EIF4E3: variants seen among roughly 807,000 people sequenced by gnomAD.
EIF4E3 encodes the protein eukaryotic translation initiation factor 4E type 3.
EIF4E3 carries 26 observed loss-of-function variants against 31.7 expected under a neutral mutation model. The ratio of observed to expected loss-of-function variants is 0.82; its 90% CI spans 0.60 to 1.14. The LOEUF (loss-of-function observed/expected upper bound fraction) is 1.14. Among genes scored for constraint, EIF4E3 ranks in the 50% most tolerant of loss-of-function variants. EIF4E3 has a pLI of 0.00. For missense variants in EIF4E3, 304 were observed against 270.9 expected (o/e 1.12, Z -0.86); for synonymous variants, 128 against 107.7 (o/e 1.19, Z -1.17).
chr3:71,675,140 C>T (rs2048866264), downstream of EIF4E3, among the ~76,000 whole-genome samples: 1 of 152,198 alleles, frequency 6.6e-6, no homozygotes, highest in Admixed American at 6.5e-5. Flanking sequence ...CTCTGCTCTT[C>T]TCCTTTCCAA....
At chr3:71,740,608 C>T (rs1365597489) in intron 1 of EIF4E3, among the ~76,000 whole-genome samples, 1 of 152,114 alleles carries the variant, frequency 6.6e-6, no homozygotes, top group East Asian at 1.9e-4. Flanking sequence ...GTGGTGTGCA[C>T]CTGTAGTCCC....
At chr3:71,729,511 C>T (rs577132837), upstream of EIF4E3, among the ~76,000 whole-genome samples, 20 of 152,174 alleles carry the variant, frequency 1.3e-4, no homozygotes, top group Non-Finnish European at 2.5e-4. Flanking sequence ...CTCCCTAAAC[C>T]TGGCAAGCTT....
At chr3:71,736,517 T>G (rs755415832) in intron 1 of EIF4E3, among the ~76,000 whole-genome samples, 10 of 152,186 alleles carry the variant, frequency 6.6e-5, no homozygotes, top group Non-Finnish European at 1.3e-4. Flanking sequence ...TGGGGAAACT[T>G]TAATGCATAT....
At position 71,675,525 on chromosome 3, in the gene EIF4E3, C is replaced by G. The variant is rs140250552; in HGVS notation, c.*9157G>C. The G allele has an allele frequency of 1.4e-4, 21 of 152,094 alleles. 1 individual carries two copies. The highest frequency in any genetic ancestry group is 4.8e-4 in the African/African-American group (20 of 41,400). The allele number at this position is 152,094 out of a possible 1,614,324, so 9.4% of individuals were successfully genotyped here. On this transcript the variant is annotated 3_prime_UTR_variant, in exon 7 of 7. Coordinates refer to ENST00000425534, the MANE Select transcript of EIF4E3 (RefSeq NM_001134651.2). ...GACAAATCTGCTTACATGGAGTTGT[C>G]GCAAAGAAGCAGGTTAGAAAACATG...
rs146390361 is a variant in EIF4E3 at position 71,700,302 on chromosome 3, A to T, written c.250-594T>A. ...ATTCCTATGCAACATGTCTACACAT[A>T]AAACTGGAAAGGACTTTGCTAATGA... is the stretch of plus-strand genomic sequence containing the variant. On this transcript the variant is annotated intron_variant, in intron 2 of 6. Coordinates refer to ENST00000425534, the MANE Select transcript of EIF4E3 (RefSeq NM_001134651.2). Among the ~76,000 whole-genome samples, 60 of 152,358 alleles carry T rather than the reference A, an allele frequency of 3.9e-4. No individual in the cohort carries two copies. In the East Asian group the frequency reaches 0.012, roughly 29 times the overall value.
intron 1 of EIF4E3, among the ~76,000 whole-genome samples, chr3:71,752,611 T>C (rs912310595): frequency 5.9e-5 from 9 of 152,216 alleles, no homozygotes; most frequent in Admixed American, 5.9e-4. Flanking sequence ...GGCTTTACCA[T>C]GCTAAGCACT....
chr3:71,746,440 C>T (rs997977308), intron 1 of EIF4E3, among the ~76,000 whole-genome samples: 3 of 152,178 alleles, frequency 2.0e-5, no homozygotes, highest in Non-Finnish European at 2.9e-5. Flanking sequence ...AGCACGTAAA[C>T]GTTAAGGCCC....
chr3:71,684,670 T>G lies in EIF4E3; in HGVS notation c.*12A>C. 1 of 1,613,712 alleles carries G rather than the reference T, an allele frequency of 6.2e-7. No homozygotes were observed. Among genetic ancestry groups the G allele is most frequent in the Non-Finnish European group, 8.5e-7 (1 of 1,179,880 alleles). ...AATCAGCAAAGGACAAAGAATTCTT[T>G]ACAGAGTGCAATTAGTGTTTTCCAC... On this transcript the variant is annotated 3_prime_UTR_variant, in exon 7 of 7. Transcript: ENST00000425534.
At chr3:71,754,467 G>A (rs772551803), upstream of EIF4E3, 8 of 1,329,948 alleles carry the variant, frequency 6.0e-6, no homozygotes, top group South Asian at 3.7e-5. The surrounding 1 kb of genome is among the most constrained non-coding windows in gnomAD (Gnocchi z 5.8). Flanking sequence ...CTGGCCGTGC[G>A]CCGCCATGCT....
chr3:71,749,681 C>T (rs1252975774), intron 1 of EIF4E3, among the ~76,000 whole-genome samples: 1 of 150,772 alleles, frequency 6.6e-6, no homozygotes, highest in African/African-American at 2.4e-5. Flanking sequence ...AAAGAAGTGA[C>T]ATAAATGATT....
At chr3:71,661,384 T>C in the EIF4E3 span, among the ~76,000 whole-genome samples, 1 of 152,106 alleles carries the variant, frequency 6.6e-6, no homozygotes, top group East Asian at 1.9e-4. Flanking sequence ...TTTATTATCA[T>C]CCAAAGTGTG....
chr3:71,676,795 T>G lies in EIF4E3; in HGVS notation c.*7887A>C, dbSNP rs1381692894. On this transcript the variant is annotated 3_prime_UTR_variant, in exon 7 of 7. Transcript: ENST00000425534. ...ACAGTCTTGTCCTTTATAACTTGACTATCTTCATGAAACACTAATTATTTT... is the reference window on the plus strand; with the variant it reads ...ACAGTCTTGTCCTTTATAACTTGACGATCTTCATGAAACACTAATTATTTT... The G allele has an allele frequency of 6.6e-6, 1 of 152,112 alleles. No individual in the cohort carries two copies. 9.4% of individuals were successfully genotyped at this position (152,112 alleles called of 1,614,324 possible).
chr3:71,696,577 G>A, intron 3 of EIF4E3, 57 bp from the exon 4 acceptor site: 1 of 1,577,786 alleles, frequency 6.3e-7, no homozygotes, highest in Non-Finnish European at 8.7e-7. Flanking sequence ...TCTACATACA[G>A]TTAGATTAAA....
At chr3:71,721,466 C>T (rs557173510) in intron 1 of EIF4E3, among the ~76,000 whole-genome samples, 1 of 152,292 alleles carries the variant, frequency 6.6e-6, no homozygotes, top group African/African-American at 2.4e-5. Flanking sequence ...GATGGTTTGG[C>T]TGTGTCTCCA....
chr3:71,673,931 A>ATATATATAT (rs879460557), downstream of EIF4E3, among the ~76,000 whole-genome samples: 1 of 124,376 alleles, frequency 8.0e-6, no homozygotes, highest in Non-Finnish European at 1.6e-5. Flanking sequence ...ATATATATAT[A>ATATATATAT]AAAAACATAA....
chr3:71,753,839 T>G (rs1200086518), upstream of EIF4E3, among the ~76,000 whole-genome samples: 10 of 147,294 alleles, frequency 6.8e-5, no homozygotes, highest in East Asian at 2.0e-4. Flanking sequence ...AGTGGCCGCC[T>G]CCTCCTGCGC....
At chr3:71,721,403 G>T (rs1387095436) in intron 1 of EIF4E3, among the ~76,000 whole-genome samples, 1 of 152,172 alleles carries the variant, frequency 6.6e-6, no homozygotes, top group Non-Finnish European at 1.5e-5. Flanking sequence ...GGGGCTCGGG[G>T]TGTGTGTGTC....
At chr3:71,741,193 C>T (rs944526391) in intron 1 of EIF4E3, among the ~76,000 whole-genome samples, 18 of 145,624 alleles carry the variant, frequency 1.2e-4, no homozygotes, top group African/African-American at 3.5e-4. Context: ...CACATGCACG[C>T]GCACACACAC....
chr3:71,712,588 G>C (rs531530641), intron 1 of EIF4E3, among the ~76,000 whole-genome samples: 1 of 129,784 alleles, frequency 7.7e-6, no homozygotes, highest in Non-Finnish European at 1.6e-5. Flanking sequence ...AAGCACATAG[G>C]AGAGTATATA....
Sources: gnomAD v4.1 joint callset for allele counts (sites outside exome capture counted in the v4.1 genomes callset) on GRCh38, gnomAD v4.1.1 for gene constraint, Gnocchi (gnomAD v3.1) non-coding constraint, MANE v1.5 for transcripts, NCBI Gene and HGNC (gene_info 2026-07-23, HGNC 2026-07-21) for gene names.